The following ZNF565 variants were observed in gnomAD, a reference collection of about 807,000 sequenced individuals.
The protein encoded by ZNF565 is zinc finger protein 565.
In ZNF565, 27 loss-of-function variants were observed where a neutral mutation model predicts 39.4. The ratio of observed to expected loss-of-function variants is 0.69; its 90% CI spans 0.51 to 0.95. The LOEUF (loss-of-function observed/expected upper bound fraction) is 0.95. Ranked by LOEUF, ZNF565 falls within the 40% of genes least tolerant of loss-of-function variation. The pLI is 0.00. For missense variants in ZNF565, 524 were observed against 621.1 expected (o/e 0.84, Z 1.66); for synonymous variants, 185 against 216.6 (o/e 0.85, Z 1.28).
chr19:36,201,783 G>A (rs1975973487), intron 2 of ZNF565, among the ~76,000 whole-genome samples, 194 bp downstream of exon 2: 1 of 152,110 alleles, frequency 6.6e-6, no homozygotes. Context: ...CCTATGCTCT[G>A]CTAAGAGGAC....
At chr19:36,215,878 T>C (rs1470641570), upstream of ZNF565, among the ~76,000 whole-genome samples, 1 of 152,212 alleles carries the variant, frequency 6.6e-6, no homozygotes, top group Non-Finnish European at 1.5e-5. Context: ...CCTCATTTTT[T>C]GAAGAAAGCT....
At chr19:36,189,481 ATT>A (rs1017419914) in intron 4 of ZNF565, among the ~76,000 whole-genome samples, 1 of 143,748 alleles carries the variant, frequency 7.0e-6, no homozygotes, top group Non-Finnish European at 1.5e-5. Flanking sequence ...TGCCCGGCTA[ATT>A]TTTTTTTTTT....
intron 2 of ZNF565, among the ~76,000 whole-genome samples, chr19:36,199,500 C>CTCTTT (rs1599930776): frequency 6.9e-6 from 1 of 145,696 alleles, no homozygotes; most frequent in East Asian, 2.1e-4. Flanking sequence ...GAATTTCTTT[C>CTCTTT]TTTCTCTTTT....
intron 1 of ZNF565, among the ~76,000 whole-genome samples, chr19:36,203,840 G>A (rs1308973465): frequency 6.6e-6 from 1 of 152,060 alleles, no homozygotes; most frequent in Non-Finnish European, 1.5e-5. Context: ...GCCTCCCAAA[G>A]TGTTGGGGTT....
At chr19:36,184,331 A>G (rs1235956099) in intron 4 of ZNF565, among the ~76,000 whole-genome samples, 1 of 151,686 alleles carries the variant, frequency 6.6e-6, no homozygotes, top group Non-Finnish European at 1.5e-5. Flanking sequence ...CAGTGGTACA[A>G]TCTTGGCTCA....
chr19:36,239,464 A>T (rs1977759785), intron 1 of ZNF565, among the ~76,000 whole-genome samples: 1 of 151,526 alleles, frequency 6.6e-6, no homozygotes, highest in Admixed American at 6.6e-5. Context: ...CTGGGACTAC[A>T]GGCACGCACC....
chr19:36,244,238 T>C (rs62113146), intron 1 of ZNF565, among the ~76,000 whole-genome samples: 25,292 of 152,166 alleles, frequency 0.17, 2,524 homozygotes, highest in Non-Finnish European at 0.22. Context: ...AAAACGTGCC[T>C]GTTGGGGGCG....
In ZNF565 at chr19:36,206,177, G is replaced by A. The variant is rs369341654; in HGVS notation, c.-65-4127C>T. On this transcript the variant is annotated intron_variant, in intron 1 of 4. Transcript: ENST00000304116. ...GGGACTCGTCATGTTGGCCAGGCTG[G>A]TCTTCAACTCCTGCCTCAAGTGATA... Among the ~76,000 whole-genome samples the A allele has an allele frequency of 2.1e-4, 32 of 152,004 alleles. 1 individual carries two copies. Among genetic ancestry groups the A allele is most frequent in the Middle Eastern group, 3.2e-3 (1 of 316 alleles).
chr19:36,231,909 TAAA>T (rs60263832), intron 1 of ZNF565, among the ~76,000 whole-genome samples: 1 of 145,884 alleles, frequency 6.9e-6, no homozygotes, highest in Non-Finnish European at 1.5e-5. Context: ...CTTTTTTATT[TAAA>T]AAAAAAAAGG....
chr19:36,224,797 A>G (rs1977000029), intron 1 of ZNF565, among the ~76,000 whole-genome samples: 1 of 152,190 alleles, frequency 6.6e-6, no homozygotes, highest in Non-Finnish European at 1.5e-5. Context: ...TATGTACGTG[A>G]TACGTATTCT....
intron 1 of ZNF565, among the ~76,000 whole-genome samples, chr19:36,210,070 C>T (rs1460789057): frequency 6.6e-6 from 1 of 151,852 alleles, no homozygotes; most frequent in African/African-American, 2.4e-5. Context: ...CAAGACCAGC[C>T]TGGGCAAATA....
upstream of ZNF565, among the ~76,000 whole-genome samples, chr19:36,215,879 G>A (rs1976582490): frequency 6.6e-6 from 1 of 152,080 alleles, no homozygotes; most frequent in South Asian, 2.1e-4. Flanking sequence ...CTCATTTTTT[G>A]AAGAAAGCTT....
At chr19:36,239,510 C>T (rs974715180) in intron 1 of ZNF565, among the ~76,000 whole-genome samples, 2 of 151,804 alleles carry the variant, frequency 1.3e-5, no homozygotes, top group Admixed American at 1.3e-4. Context: ...AAAATTGTAG[C>T]GATGGGGTCT....
intron 1 of ZNF565, among the ~76,000 whole-genome samples, chr19:36,231,840 C>T (rs1353630439): frequency 2.6e-5 from 4 of 151,688 alleles, no homozygotes; most frequent in Non-Finnish European, 5.9e-5. Flanking sequence ...GGCGAGGCGG[C>T]AGATCTCTTG....
intron 1 of ZNF565, among the ~76,000 whole-genome samples, chr19:36,239,494 A>G (rs1977760809): frequency 6.6e-6 from 1 of 151,794 alleles, no homozygotes; most frequent in Non-Finnish European, 1.5e-5. Flanking sequence ...TGCCAATTAA[A>G]AAAAAAAAAT....
chr19:36,186,278 C>T (rs774420033), intron 4 of ZNF565, among the ~76,000 whole-genome samples: 8 of 152,116 alleles, frequency 5.3e-5, no homozygotes, highest in African/African-American at 7.2e-5. Context: ...GGATTACAGG[C>T]GTCAGCCACC....
intron 1 of ZNF565, chr19:36,238,425 T>G (rs994239263): frequency 1.2e-5 from 2 of 167,082 alleles, no homozygotes; most frequent in Non-Finnish European, 1.5e-5. Context: ...GGATGGGTAT[T>G]GGTTAAAGGG....
At chr19:36,184,728 A>G (rs997559336) in intron 4 of ZNF565, among the ~76,000 whole-genome samples, 5 of 152,202 alleles carry the variant, frequency 3.3e-5, no homozygotes, top group African/African-American at 1.2e-4. Context: ...TAAGGCATCT[A>G]TATTTTCAAC....
At position 36,188,711 on chromosome 19, in the gene ZNF565, C is replaced by CAA. The variant is rs537452721; in HGVS notation, c.233-4980_233-4979dup. 2.7e-3 allele frequency among the ~76,000 whole-genome samples: 203 copies of CAA among 75,926 alleles called. 1 individual carries two copies. Among genetic ancestry groups the CAA allele is most frequent in the African/African-American group, 7.6e-3 (174 of 22,814 alleles). The allele number at this position is 75,926 out of a possible 152,430, so 49.8% of individuals were successfully genotyped here. Reference sequence around the variant, plus strand: ...TGGGCAACAGAGTGAGACTCCGTCTCAAAAAAAAAAAAAAACAAAACAACA... The same window carrying CAA: ...TGGGCAACAGAGTGAGACTCCGTCTCAAAAAAAAAAAAAAAAACAAAACAACA... On this transcript the variant is annotated intron_variant, in intron 4 of 4. Transcript: ENST00000304116.
Sources: allele counts gnomAD v4.1 joint callset (sites outside exome capture counted in the v4.1 genomes callset), GRCh38; gene constraint gnomAD v4.1.1; transcripts MANE v1.5; gene names NCBI Gene and HGNC (gene_info 2026-07-23, HGNC 2026-07-21).